ACTR10: variants seen among roughly 807,000 people sequenced by gnomAD.
ACTR10 encodes actin-related protein 10.
Under a neutral mutation model 56.2 loss-of-function variants are expected in ACTR10, and 43 were observed. The observed-to-expected ratio is 0.77, with a 90% CI of 0.60 to 0.99. The LOEUF (loss-of-function observed/expected upper bound fraction) is 0.99, where lower values mean the gene tolerates loss of function less well. ACTR10 is among the 50% of genes least tolerant of loss of function. The pLI, the probability that ACTR10 is intolerant of heterozygous loss-of-function variation, is 0.00. For missense variants in ACTR10, 466 were observed against 507.8 expected (o/e 0.92, Z 0.79); for synonymous variants, 170 against 176.3 (o/e 0.96, Z 0.28).
At chr14:58,219,123 A>G (rs569362833) in intron 7 of ACTR10, among the ~76,000 whole-genome samples, 15 of 152,174 alleles carry the variant, frequency 9.9e-5, no homozygotes, top group African/African-American at 3.4e-4. Context: ...CCTGGCCCCA[A>G]AGTTAAAAAT....
intron 8 of ACTR10, among the ~76,000 whole-genome samples, chr14:58,222,721 C>T (rs962323290): frequency 7.2e-6 from 1 of 139,212 alleles, no homozygotes; most frequent in Non-Finnish European, 1.5e-5. Context: ...GCCGAGATCA[C>T]GCCACTGCAC....
rs562100387 is a variant in ACTR10, at chr14:58,226,801, T to C, written c.788+2945T>C. 1.6e-3 allele frequency among the ~76,000 whole-genome samples: 239 copies of C among 152,216 alleles called. 1 individual carries two copies. Among genetic ancestry groups the C allele is most frequent in the Non-Finnish European group, 2.4e-3 (165 of 68,012 alleles). On this transcript the variant is annotated intron_variant, in intron 10 of 12. Transcript: ENST00000254286. ...TTTTAGTAGAGACGAGGTTTCTCCATGTTAGTCAAGCTGGTCTCGAACTCC... is the reference window on the plus strand; with the variant it reads ...TTTTAGTAGAGACGAGGTTTCTCCACGTTAGTCAAGCTGGTCTCGAACTCC...
chr14:58,216,491 A>G (rs147069950), intron 7 of ACTR10, among the ~76,000 whole-genome samples: 2 of 152,250 alleles, frequency 1.3e-5, no homozygotes, highest in African/African-American at 4.8e-5. Flanking sequence ...GTAAGCTCCT[A>G]CAGGTTAAAA....
At chr14:58,230,600 C>A (rs1344157481) in intron 11 of ACTR10, 120 bp downstream of exon 11, 4 of 432,690 alleles carry the variant, frequency 9.2e-6, no homozygotes, top group Non-Finnish European at 1.6e-5. Flanking sequence ...GTGTCAACAA[C>A]TAATCTGCTT....
chr14:58,215,136 T>C, intron 6 of ACTR10, 69 bp from the exon 7 acceptor site: 2 of 966,928 alleles, frequency 2.1e-6, no homozygotes, highest in South Asian at 3.2e-5. Flanking sequence ...TATTATGTAG[T>C]TGAAAGTATC....
intron 1 of ACTR10, among the ~76,000 whole-genome samples, chr14:58,201,679 A>G (rs998782939): frequency 3.3e-5 from 5 of 152,258 alleles, no homozygotes; most frequent in African/African-American, 1.2e-4. Context: ...AAAAATGGAA[A>G]TACCTAAATA....
chr14:58,204,530 G>A (rs778442339), intron 2 of ACTR10, among the ~76,000 whole-genome samples: 60 of 152,282 alleles, frequency 3.9e-4, no homozygotes, highest in Non-Finnish European at 8.2e-4. Flanking sequence ...CACCATGGGC[G>A]ACAGAGTGAG....
In ACTR10 at chr14:58,209,060, T is replaced by C. The variant is rs1312815821; in HGVS notation, c.295T>C (p.Ser99Pro). 1.9e-6 allele frequency: 3 copies of C among 1,610,980 alleles called. No individual in the cohort carries two copies. The highest frequency in any genetic ancestry group is 8.5e-7 in the Non-Finnish European group (1 of 1,178,300). Residue 99 changes from serine to proline, a missense_variant, in exon 4 of 13, where the codon TCT becomes CCT. By Grantham distance (74) the Ser-to-Pro change is moderately conservative. Transcript: ENST00000254286. ...GATTATCGAATCGGTATTATGTCCT[T>C]CTCACTTCAGAGAGACACTCACTCG... ...VVIIESVLCP[S>P]HFRETLTRVL...
chr14:58,211,220 G>T (rs1888985103), intron 4 of ACTR10, 72 bp from the exon 5 acceptor site: 9 of 1,113,418 alleles, frequency 8.1e-6, no homozygotes, highest in Non-Finnish European at 1.2e-5. Context: ...AAATATATTT[G>T]GATATAAGGC....
rs541821610 is a variant in ACTR10 at position 58,208,994 on chromosome 14, T to C, written c.234-5T>C. On this transcript the variant is annotated splice_region_variant and splice_polypyrimidine_tract_variant and intron_variant, in intron 3 of 12. Coordinates refer to ENST00000254286, the MANE Select transcript of ACTR10 (RefSeq NM_018477.3). ...ACTTTTAAAACCAAAACTTTCACTT[T>C]TCAGGCATCTATTGGTGAATCCCAG... The C allele has an allele frequency of 3.0e-5, 48 of 1,594,866 alleles. No individual in the cohort carries two copies. In the South Asian group the frequency reaches 5.0e-4, roughly 17 times the overall value.
At chr14:58,213,361 G>A (rs1889047756) in intron 5 of ACTR10, 1 of 269,576 alleles carries the variant, frequency 3.7e-6, no homozygotes, top group African/African-American at 2.2e-5. Context: ...TTAAGTAGCT[G>A]CACAGGCCTA....
In ACTR10 at chr14:58,209,097, A is replaced by G. The variant is rs1330915905; in HGVS notation, c.332A>G (p.Lys111Arg). The G allele has an allele frequency of 7.6e-6, 12 of 1,583,512 alleles. No individual in the cohort carries two copies. Among genetic ancestry groups the G allele is most frequent in the African/African-American group, 1.4e-5 (1 of 73,618 alleles). ...FRETLTRVLFKYFEVPSVLLA... is the reference protein window; with the variant it reads ...FRETLTRVLFRYFEVPSVLLA... ...GAGACACTCACTCGTGTTCTTTTCA[A>G]ATATTTTGAGGTACCTGTCTTTATA... Residue 111 changes from lysine (K) to arginine (R), a missense_variant, in exon 4 of 13, where the codon AAA becomes AGA. Physicochemically the swap from Lys to Arg is conservative, Grantham distance 26. Coordinates refer to ENST00000254286, the MANE Select transcript of ACTR10 (RefSeq NM_018477.3).
At chr14:58,208,050 A>ATT in intron 3 of ACTR10, 32 bp downstream of exon 3, 1 of 1,477,480 alleles carries the variant, frequency 6.8e-7, no homozygotes, top group Non-Finnish European at 8.9e-7. Context: ...AGCTTTTATG[A>ATT]TTAGATAGAT....
chr14:58,211,297 A>C lies in ACTR10; in HGVS notation c.348A>C (p.Pro116=). 1 of 1,611,734 alleles carries C rather than the reference A, an allele frequency of 6.2e-7. No homozygotes were observed. Among genetic ancestry groups the C allele is most frequent in the Non-Finnish European group, 8.5e-7 (1 of 1,178,080 alleles). The change falls in exon 5 of 13, where the codon CCA becomes CCC. Residue 116 remains proline, a synonymous_variant. Coordinates refer to ENST00000254286, the MANE Select transcript of ACTR10 (RefSeq NM_018477.3). Reference sequence around the variant, plus strand: ...TTGATTTTGTTATTTTCTAGGTTCCATCTGTCTTGCTTGCTCCAAGTCATC... The same window carrying C: ...TTGATTTTGTTATTTTCTAGGTTCCCTCTGTCTTGCTTGCTCCAAGTCATC... ...TRVLFKYFEV[P]SVLLAPSHLM... is the part of the protein sequence containing the mutation.
chr14:58,223,832 T>A lies in ACTR10; in HGVS notation c.764T>A (p.Ile255Asn). ...NVDYPLDGEK[I>N]LHILGSIRDS... ...GACTATCCATTAGATGGAGAGAAGA[T>A]TTTACATATCCTTGGATCAATCAGG... Residue 255 changes from isoleucine (I) to asparagine (N), a missense_variant, in exon 10 of 13, where the codon ATT (isoleucine) becomes AAT (asparagine). Coordinates refer to ENST00000254286, the MANE Select transcript of ACTR10 (RefSeq NM_018477.3). 6.2e-7 allele frequency: 1 copy of A among 1,612,860 alleles called. No individual in the cohort carries two copies. Among genetic ancestry groups the A allele is most frequent in the Non-Finnish European group, 8.5e-7 (1 of 1,179,090 alleles).
chr14:58,213,600 T>G, intron 5 of ACTR10, 31 bp from the exon 6 acceptor site: 1 of 1,497,468 alleles, frequency 6.7e-7, no homozygotes, highest in Middle Eastern at 1.7e-4. Flanking sequence ...TTTTATCTCC[T>G]AAAATAGTAG....
At position 58,202,941 on chromosome 14, in the gene ACTR10, A is replaced by T. The variant is rs555208511; in HGVS notation, c.150+14A>T. 290 of 1,400,220 alleles carry T rather than the reference A, an allele frequency of 2.1e-4. 2 individuals are homozygous for T. The highest frequency in any genetic ancestry group is 1.6e-3 in the African/African-American group (110 of 68,766). 86.7% of individuals were successfully genotyped at this position (1,400,220 alleles called of 1,614,324 possible). On this transcript the variant is annotated intron_variant, in intron 2 of 12. Transcript: ENST00000254286. ...GGGATGCCTAAGGTATTTAAAAAAAAATATTAGCAAAATAAATGCCATACT... is the reference window on the plus strand; with the variant it reads ...GGGATGCCTAAGGTATTTAAAAAAATATATTAGCAAAATAAATGCCATACT...
rs1447427090 is a variant in ACTR10 at position 58,202,933 on chromosome 14, T to A, written c.150+6T>A. 9 of 1,481,192 alleles carry A rather than the reference T, an allele frequency of 6.1e-6. No individual in the cohort carries two copies. Among genetic ancestry groups the A allele is most frequent in the Non-Finnish European group, 8.3e-6 (9 of 1,078,194 alleles). The allele number at this position is 1,481,192 out of a possible 1,614,324, so 91.8% of individuals were successfully genotyped here. A position where few individuals can be genotyped will look rare whatever the true frequency, so the allele number is the denominator to read the frequency against. ...AAAGAGCTGGGATGCCTAAGGTATT[T>A]AAAAAAAAATATTAGCAAAATAAAT... On this transcript the variant is annotated splice_donor_region_variant and intron_variant, in intron 2 of 12. Transcript: ENST00000254286.
At chr14:58,224,033 CTG>C (rs1555350410) in intron 10 of ACTR10, among the ~76,000 whole-genome samples, 177 bp downstream of exon 10, 2 of 151,470 alleles carry the variant, frequency 1.3e-5, no homozygotes, top group African/African-American at 4.9e-5. Context: ...CAAGGTCTTG[CTG>C]TGTTGCCCAG....
Sources: gnomAD v4.1 joint callset for allele counts (sites outside exome capture counted in the v4.1 genomes callset) on GRCh38, gnomAD v4.1.1 for gene constraint, MANE v1.5 for transcripts, NCBI Gene and HGNC (gene_info 2026-07-23, HGNC 2026-07-21) for gene names.